SORCS3: variants seen among roughly 807,000 people sequenced by gnomAD.
The protein encoded by SORCS3 is sortilin related VPS10 domain containing receptor 3, also known as VPS10 domain-containing receptor SorCS3.
A neutral mutation model predicts 146.3 loss-of-function variants in SORCS3; 57 were observed. The ratio of observed to expected loss-of-function variants is 0.39; its 90% CI spans 0.31 to 0.49. SORCS3 has a LOEUF of 0.49. SORCS3 is among the 20% of genes least tolerant of loss of function. SORCS3 has a pLI of 0.92. For synonymous variants in SORCS3, 653 were observed against 618.5 expected (o/e 1.06, Z -0.83); for missense variants, 1,341 against 1,575.5 (o/e 0.85, Z 2.52).
chr10:105,009,673 T>G (rs958110191), intron 4 of SORCS3, among the ~76,000 whole-genome samples: 3 of 152,122 alleles, frequency 2.0e-5, no homozygotes, highest in African/African-American at 7.2e-5. Context: ...ATTTTGAGTG[T>G]TTTTTATGAC....
intron 2 of SORCS3, among the ~76,000 whole-genome samples, chr10:104,913,766 C>CTTTTTT (rs35484660): frequency 4.7e-5 from 5 of 106,476 alleles, no homozygotes; most frequent in African/African-American, 7.6e-5. Context: ...TATCCCCATT[C>CTTTTTT]TTTTTTTTTT....
intron 4 of SORCS3, among the ~76,000 whole-genome samples, chr10:105,031,320 CACACACACACAA>C (rs369040734): frequency 0.016 from 1,760 of 107,790 alleles, 10 homozygotes; most frequent in Non-Finnish European, 0.018. Context: ...ACAAACAACA[CACACACACACAA>C]ACACACACAC....
chr10:105,237,209 G>A (rs1480597861), intron 20 of SORCS3, among the ~76,000 whole-genome samples: 1 of 152,100 alleles, frequency 6.6e-6, no homozygotes, highest in Non-Finnish European at 1.5e-5. Context: ...TGCAGAACAA[G>A]ACAAACCTAG....
At chr10:104,972,247 G>T (rs576437127) in intron 3 of SORCS3, among the ~76,000 whole-genome samples, 11 of 152,138 alleles carry the variant, frequency 7.2e-5, no homozygotes, top group African/African-American at 2.7e-4. Flanking sequence ...TCAGAGTCAG[G>T]TTATTATTGA....
chr10:105,004,885 A>G (rs548387069), intron 4 of SORCS3, among the ~76,000 whole-genome samples: 28 of 152,280 alleles, frequency 1.8e-4, no homozygotes, highest in African/African-American at 6.0e-4. Context: ...CCCTTCCACC[A>G]TTCATAATCA....
intron 20 of SORCS3, among the ~76,000 whole-genome samples, chr10:105,235,263 G>T (rs1227952181): frequency 6.6e-6 from 1 of 152,052 alleles, no homozygotes; most frequent in Admixed American, 6.6e-5. Flanking sequence ...TTGTTAAAAA[G>T]AATGTAGTGC....
At chr10:104,779,556 A>G (rs1165570019) in intron 1 of SORCS3, among the ~76,000 whole-genome samples, 1 of 152,152 alleles carries the variant, frequency 6.6e-6, no homozygotes, top group Non-Finnish European at 1.5e-5. Context: ...CCACGGAGGA[A>G]GTGTGAAGGC....
chr10:105,259,696 A>C (rs1367119472), intron 25 of SORCS3, among the ~76,000 whole-genome samples: 1 of 152,184 alleles, frequency 6.6e-6, no homozygotes, highest in Non-Finnish European at 1.5e-5. Flanking sequence ...CTATCCAGGA[A>C]AACATTTGAG....
chr10:105,222,044 C>CTTTTTTTT (rs34795700), intron 19 of SORCS3, among the ~76,000 whole-genome samples: 2 of 76,514 alleles, frequency 2.6e-5, no homozygotes, highest in Non-Finnish European at 4.9e-5. Flanking sequence ...TACCTTAACA[C>CTTTTTTTT]TTTTTTTTTT....
At chr10:105,157,751 G>A (rs940824166) in intron 10 of SORCS3, among the ~76,000 whole-genome samples, 2 of 152,122 alleles carry the variant, frequency 1.3e-5, no homozygotes, top group Non-Finnish European at 2.9e-5. Context: ...CTGTTGTATG[G>A]GATATTGGGG....
chr10:105,228,932 A>C (rs930817290), intron 20 of SORCS3, among the ~76,000 whole-genome samples: 1 of 152,148 alleles, frequency 6.6e-6, no homozygotes, highest in Non-Finnish European at 1.5e-5. Flanking sequence ...TATTTTGTTA[A>C]ATTGATTTTG....
At chr10:104,887,971 G>GTGT (rs1554857309) in intron 2 of SORCS3, among the ~76,000 whole-genome samples, 5 of 83,034 alleles carry the variant, frequency 6.0e-5, no homozygotes, top group African/African-American at 2.8e-4. Flanking sequence ...GGGGGGCGGG[G>GTGT]GCGGAGCAAG....
At chr10:105,082,377 G>T (rs1268142880) in intron 5 of SORCS3, among the ~76,000 whole-genome samples, 1 of 152,182 alleles carries the variant, frequency 6.6e-6, no homozygotes, top group Non-Finnish European at 1.5e-5. Flanking sequence ...AAGAAGACAG[G>T]CAGGAAAGTA....
At chr10:104,960,523 C>T (rs1339258893) in intron 3 of SORCS3, among the ~76,000 whole-genome samples, 1 of 152,132 alleles carries the variant, frequency 6.6e-6, no homozygotes, top group South Asian at 2.1e-4. Context: ...GCAAGGGGGA[C>T]TGAGCACACC....
rs2056654677 is a variant in SORCS3 at position 105,214,599 on chromosome 10, A to G, written c.2533A>G (p.Ile845Val). The G allele has an allele frequency of 1.9e-6, 3 of 1,588,630 alleles. No homozygotes were observed. Among genetic ancestry groups the G allele is most frequent in the Non-Finnish European group, 2.6e-6 (3 of 1,167,010 alleles). ...AEQGHNATFI[I>V]LMEEGDLQRT... ...GCAGGGGCACAATGCAACTTTCATC[A>G]TCCTCATGGAGGAGGTAGGTGCTCA... Residue 845 changes from isoleucine to valine, a missense_variant, in exon 18 of 27, where the codon ATC (isoleucine) becomes GTC (valine). Transcript: ENST00000369701.
intron 1 of SORCS3, among the ~76,000 whole-genome samples, chr10:104,798,680 AC>A (rs2017586742): frequency 6.6e-6 from 1 of 152,168 alleles, no homozygotes; most frequent in Non-Finnish European, 1.5e-5. Context: ...CTTGGTATTT[AC>A]CCAAACACAT....
At chr10:104,906,504 A>G (rs2018906385) in intron 2 of SORCS3, among the ~76,000 whole-genome samples, 1 of 152,216 alleles carries the variant, frequency 6.6e-6, no homozygotes, top group South Asian at 2.1e-4. Context: ...GTGTTGCCCA[A>G]CAACAGACAG....
intron 1 of SORCS3, among the ~76,000 whole-genome samples, chr10:104,812,333 A>G (rs1371109958): frequency 2.6e-5 from 4 of 152,214 alleles, no homozygotes; most frequent in Non-Finnish European, 5.9e-5. Flanking sequence ...TCACTTCCTC[A>G]CTAGTTAGGT....
chr10:104,873,033 G>A (rs1395335412), intron 2 of SORCS3, among the ~76,000 whole-genome samples: 1 of 152,186 alleles, frequency 6.6e-6, no homozygotes, highest in African/African-American at 2.4e-5. Context: ...CTCCCACACA[G>A]TAAATGTGTC....
Sources: allele counts gnomAD v4.1 joint callset (sites outside exome capture counted in the v4.1 genomes callset), GRCh38; gene constraint gnomAD v4.1.1; transcripts MANE v1.5; gene names NCBI Gene and HGNC (gene_info 2026-07-23, HGNC 2026-07-21).